Variants in UMAD1 observed in about 807,000 individuals in gnomAD.
UMAD1 encodes UBAP1-MVB12-associated (UMA)-domain containing protein 1.
A neutral mutation model predicts 6.1 loss-of-function variants in UMAD1; 8 were observed. The ratio of observed to expected loss-of-function variants is 1.30; its 90% CI spans 0.76 to 2.35. The LOEUF (loss-of-function observed/expected upper bound fraction) is 2.35, where lower values mean the gene tolerates loss of function less well. Among genes scored for constraint, UMAD1 ranks in the 30% most tolerant of loss-of-function variants. UMAD1 has a pLI of 0.00. For missense variants in UMAD1, 130 were observed against 78.4 expected (o/e 1.66, Z -2.49); for synonymous variants, 56 against 31.4 (o/e 1.78, Z -2.61).
intron 2 of UMAD1, among the ~76,000 whole-genome samples, chr7:7,757,825 A>G (rs1563182690): frequency 6.6e-6 from 1 of 152,164 alleles, no homozygotes; most frequent in Non-Finnish European, 1.5e-5. Context: ...TACGTAATAT[A>G]TGCCCACTAA....
chr7:7,661,666 C>T (rs13229887), intron 1 of UMAD1, among the ~76,000 whole-genome samples: 24,490 of 152,172 alleles, frequency 0.16, 2,332 homozygotes, highest in Middle Eastern at 0.24. Context: ...GTTGCCCGTT[C>T]CTTCCTCTGG....
intron 3 of UMAD1, among the ~76,000 whole-genome samples, chr7:7,804,449 G>T (rs1226981869): frequency 6.6e-6 from 1 of 152,208 alleles, no homozygotes; most frequent in Non-Finnish European, 1.5e-5. Flanking sequence ...AAGGTGGGTG[G>T]ATTGCCTGAG....
At chr7:7,808,391 A>G (rs1782958817) in intron 3 of UMAD1, among the ~76,000 whole-genome samples, 1 of 152,122 alleles carries the variant, frequency 6.6e-6, no homozygotes, top group Non-Finnish European at 1.5e-5. Context: ...CATTACATGT[A>G]AGCAAGTCGT....
intron 2 of UMAD1, among the ~76,000 whole-genome samples, chr7:7,774,297 A>G (rs1295002858): frequency 6.6e-6 from 1 of 152,246 alleles, no homozygotes; most frequent in Non-Finnish European, 1.5e-5. Context: ...TAAGGTCAGA[A>G]CAATAATGAA....
chr7:7,739,653 A>G (rs943011761), intron 2 of UMAD1, among the ~76,000 whole-genome samples: 1 of 152,208 alleles, frequency 6.6e-6, no homozygotes, highest in Non-Finnish European at 1.5e-5. Context: ...AAATCTGGAT[A>G]TTTATATTAG....
At position 7,801,660 on chromosome 7, in the gene UMAD1, T is replaced by G. The variant is rs1583835317; in HGVS notation, c.83-10T>G. ...AAGTTTTAAAAATAGACATATATTTTACTTCATAGGAGATACAACAGATGA... is the reference window on the plus strand; with the variant it reads ...AAGTTTTAAAAATAGACATATATTTGACTTCATAGGAGATACAACAGATGA... On this transcript the variant is annotated splice_polypyrimidine_tract_variant and intron_variant, in intron 2 of 3. Transcript: ENST00000682710. 1 of 715,922 alleles carries G rather than the reference T, an allele frequency of 1.4e-6. No individual in the cohort carries two copies. Among genetic ancestry groups the G allele is most frequent in the Non-Finnish European group, 2.6e-6 (1 of 384,610 alleles). 44.3% of individuals were successfully genotyped at this position (715,922 alleles called of 1,614,324 possible).
intron 3 of UMAD1, among the ~76,000 whole-genome samples, chr7:7,838,429 TAAG>T (rs1344340409): frequency 3.9e-5 from 6 of 152,144 alleles, no homozygotes; most frequent in Non-Finnish European, 8.8e-5. Context: ...TTTATGAAAA[TAAG>T]AAGCATACAG....
chr7:7,689,570 A>T (rs561677870), intron 2 of UMAD1: 1 of 152,116 alleles, frequency 6.6e-6, no homozygotes, highest in African/African-American at 2.4e-5. Context: ...TTATAATGCT[A>T]TCTCCCTGGA....
chr7:7,685,228 A>G (rs1042405669), intron 2 of UMAD1, among the ~76,000 whole-genome samples: 1 of 152,014 alleles, frequency 6.6e-6, no homozygotes, highest in Non-Finnish European at 1.5e-5. Context: ...AGTAATTATC[A>G]TATTGAGCAT....
At chr7:7,790,556 T>G (rs1782548977) in intron 2 of UMAD1, among the ~76,000 whole-genome samples, 1 of 152,228 alleles carries the variant, frequency 6.6e-6, no homozygotes, top group African/African-American at 2.4e-5. Flanking sequence ...CTGTGTCTGC[T>G]TCTGATCAGT....
chr7:7,755,201 A>C (rs1012700549), intron 2 of UMAD1, among the ~76,000 whole-genome samples: 2 of 152,202 alleles, frequency 1.3e-5, no homozygotes, highest in African/African-American at 2.4e-5. Context: ...CAGAAATGTT[A>C]TTTAGTAAAG....
At chr7:7,797,838 G>A (rs779637147) in intron 2 of UMAD1, among the ~76,000 whole-genome samples, 1 of 152,154 alleles carries the variant, frequency 6.6e-6, no homozygotes, top group Non-Finnish European at 1.5e-5. Flanking sequence ...ACAGGCACAT[G>A]CCACCACCCC....
At chr7:7,710,460 A>G (rs528837744) in intron 2 of UMAD1, among the ~76,000 whole-genome samples, 34 of 152,370 alleles carry the variant, frequency 2.2e-4, no homozygotes, top group African/African-American at 8.2e-4. Context: ...AAATAAGCAC[A>G]TGAATAAGTG....
intron 2 of UMAD1, among the ~76,000 whole-genome samples, chr7:7,797,394 A>G (rs773195783): frequency 5.3e-5 from 8 of 152,198 alleles, no homozygotes; most frequent in African/African-American, 1.7e-4. Flanking sequence ...GACTTACCAC[A>G]TGCATGAACA....
chr7:7,774,962 A>C (rs2115246186), intron 2 of UMAD1, among the ~76,000 whole-genome samples: 1 of 152,220 alleles, frequency 6.6e-6, no homozygotes. Flanking sequence ...TTTCTTCTCT[A>C]ACCTTTCTTC....
At chr7:7,801,579 A>G (rs982348500) in intron 2 of UMAD1, 91 bp from the exon 3 acceptor site, 1 of 647,450 alleles carries the variant, frequency 1.5e-6, no homozygotes, top group African/African-American at 1.8e-5. Flanking sequence ...TGAAACATAT[A>G]ATAACAAAAG....
chr7:7,684,193 TA>T (rs1779982922), intron 2 of UMAD1, among the ~76,000 whole-genome samples: 1 of 152,160 alleles, frequency 6.6e-6, no homozygotes, highest in Non-Finnish European at 1.5e-5. Flanking sequence ...TGTACATGTT[TA>T]GCACAGATGC....
At chr7:7,873,857 A>G (rs756994060) in intron 3 of UMAD1, among the ~76,000 whole-genome samples, 4 of 152,172 alleles carry the variant, frequency 2.6e-5, no homozygotes, top group Non-Finnish European at 4.4e-5. Flanking sequence ...TCCCTTTTTA[A>G]CTACTGGCCC....
chr7:7,788,693 T>A (rs1392563567), intron 2 of UMAD1, among the ~76,000 whole-genome samples: 1 of 148,870 alleles, frequency 6.7e-6, no homozygotes, highest in Non-Finnish European at 1.5e-5. Flanking sequence ...AAGCCAGCAG[T>A]CAGGTAAAGG....
Sources: gnomAD v4.1 joint callset for allele counts (sites outside exome capture counted in the v4.1 genomes callset) on GRCh38, gnomAD v4.1.1 for gene constraint, MANE v1.5 for transcripts, NCBI Gene and HGNC (gene_info 2026-07-23, HGNC 2026-07-21) for gene names.